Variants in ERBB4 observed in about 807,000 individuals in gnomAD.
ERBB4 encodes the protein erb-b2 receptor tyrosine kinase 4.
ERBB4 carries 42 observed loss-of-function variants against 158.0 expected under a neutral mutation model. That is an observed-to-expected ratio of 0.27 (90% CI 0.21 to 0.34). The LOEUF is 0.34. ERBB4 is among the 10% of genes least tolerant of loss of function. ERBB4 has a pLI of 1.00. For missense variants in ERBB4, 1,333 were observed against 1,624.1 expected (o/e 0.82, Z 3.08); for synonymous variants, 583 against 558.7 (o/e 1.04, Z -0.61).
At chr2:211,393,935 C>G (rs2062858087) in intron 25 of ERBB4, among the ~76,000 whole-genome samples, 1 of 152,066 alleles carries the variant, frequency 6.6e-6, no homozygotes, top group African/African-American at 2.4e-5. Context: ...CATGACAGCA[C>G]TCTTGCTTAT....
intron 13 of ERBB4, 61 bp downstream of exon 13, chr2:211,678,991 A>G: frequency 8.2e-7 from 1 of 1,220,328 alleles, no homozygotes; most frequent in Non-Finnish European, 1.1e-6. Flanking sequence ...AAAAAAAAAA[A>G]TCAGAACTAA....
At chr2:212,192,055 G>GTTATATA (rs1559707931) in intron 1 of ERBB4, among the ~76,000 whole-genome samples, 94 of 100,742 alleles carry the variant, frequency 9.3e-4, no homozygotes, top group African/African-American at 3.4e-3. Flanking sequence ...TATGTTATAT[G>GTTATATA]TTATATATGT....
chr2:212,285,042 T>A (rs554054908), intron 1 of ERBB4, among the ~76,000 whole-genome samples: 5 of 152,104 alleles, frequency 3.3e-5, no homozygotes, highest in Non-Finnish European at 5.9e-5. Context: ...TCAAAACGAA[T>A]AAAAACAAGA....
chr2:211,523,060 A>G (rs943003087), intron 20 of ERBB4, among the ~76,000 whole-genome samples: 2 of 150,686 alleles, frequency 1.3e-5, no homozygotes, highest in Non-Finnish European at 2.9e-5. Flanking sequence ...GCAAGAGGAT[A>G]GGAAATAACA....
chr2:212,111,349 T>C (rs1441593328), intron 2 of ERBB4, among the ~76,000 whole-genome samples: 2 of 152,214 alleles, frequency 1.3e-5, no homozygotes, highest in East Asian at 1.9e-4. Context: ...GCCATACCCA[T>C]ACAAGTAAAT....
intron 3 of ERBB4, among the ~76,000 whole-genome samples, chr2:211,814,174 A>G (rs1014981215): frequency 1.3e-5 from 2 of 152,184 alleles, no homozygotes; most frequent in Non-Finnish European, 2.9e-5. Flanking sequence ...ATATATATTC[A>G]TAACGCATAG....
intron 1 of ERBB4, among the ~76,000 whole-genome samples, chr2:212,322,346 A>G (rs987689334): frequency 1.3e-5 from 2 of 150,282 alleles, no homozygotes; most frequent in African/African-American, 4.9e-5. Flanking sequence ...TGCCTATGAC[A>G]ACAGGAAAGG....
At chr2:211,499,765 A>G (rs994714231) in intron 20 of ERBB4, among the ~76,000 whole-genome samples, 10 of 152,058 alleles carry the variant, frequency 6.6e-5, no homozygotes, top group Admixed American at 2.0e-4. Flanking sequence ...AGGTGAAGAT[A>G]CCCCCAAAAA....
At chr2:211,589,171 G>C (rs763146852) in intron 19 of ERBB4, among the ~76,000 whole-genome samples, 3 of 152,080 alleles carry the variant, frequency 2.0e-5, no homozygotes, top group Non-Finnish European at 4.4e-5. Context: ...TTTCCAGTTT[G>C]TCCAATCTTA....
chr2:211,863,606 C>A (rs1023581727), intron 3 of ERBB4, among the ~76,000 whole-genome samples: 2 of 152,172 alleles, frequency 1.3e-5, no homozygotes, highest in Non-Finnish European at 2.9e-5. Flanking sequence ...CTGTGAGGAT[C>A]TGCAGCTTCA....
At position 212,446,612 on chromosome 2, in the gene ERBB4, T is replaced by C. The variant is rs866252668; in HGVS notation, c.82+91837A>G. Among the ~76,000 whole-genome samples, 23 of 45,228 alleles carry C rather than the reference T, an allele frequency of 5.1e-4. 1 individual carries two copies. Among genetic ancestry groups the C allele is most frequent in the South Asian group, 8.4e-4 (1 of 1,186 alleles). 29.7% of individuals were successfully genotyped at this position (45,228 alleles called of 152,430 possible). On this transcript the variant is annotated intron_variant, in intron 1 of 27. Coordinates refer to ENST00000342788, the MANE Select transcript of ERBB4 (RefSeq NM_005235.3). ...ATATGTATATATATATATATATATATATATATATATATATATATATATATA... is the reference window on the plus strand; with the variant it reads ...ATATGTATATATATATATATATATACATATATATATATATATATATATATA...
rs980757583 is a variant in ERBB4 at position 211,590,772 on chromosome 2, G to A, written c.2301+28405C>T. 7.9e-5 allele frequency among the ~76,000 whole-genome samples: 12 copies of A among 152,090 alleles called. No homozygotes were observed. The South Asian group carries it at 1.7e-3, about 21-fold the overall frequency. ...TGCGATTCCCCTGTCTTGGGAAATC[G>A]GCTCTTTCTAGGCAGCAAGTAAGGC... On this transcript the variant is annotated intron_variant, in intron 19 of 27. Coordinates refer to ENST00000342788, the MANE Select transcript of ERBB4 (RefSeq NM_005235.3).
At chr2:211,973,843 A>G (rs770229354) in intron 2 of ERBB4, among the ~76,000 whole-genome samples, 15 of 152,172 alleles carry the variant, frequency 9.9e-5, no homozygotes, top group Non-Finnish European at 2.2e-4. Flanking sequence ...AATGCCCATC[A>G]ATAATAGACT....
intron 20 of ERBB4, among the ~76,000 whole-genome samples, chr2:211,533,300 G>C (rs2066552059): frequency 6.6e-6 from 1 of 151,936 alleles, no homozygotes; most frequent in South Asian, 2.1e-4. Context: ...TTGTGACCAT[G>C]TCTTCTGTAA....
At chr2:212,059,933 T>C (rs1233723259) in intron 2 of ERBB4, among the ~76,000 whole-genome samples, 1 of 152,094 alleles carries the variant, frequency 6.6e-6, no homozygotes, top group Non-Finnish European at 1.5e-5. Flanking sequence ...AAAGCCAAAA[T>C]TGACAAATGG....
At chr2:212,249,383 T>C (rs2084436102) in intron 1 of ERBB4, among the ~76,000 whole-genome samples, 1 of 134,886 alleles carries the variant, frequency 7.4e-6, no homozygotes. Context: ...GATAATTAAA[T>C]TTATATAGTA....
At chr2:212,432,784 G>A (rs913078872) in intron 1 of ERBB4, among the ~76,000 whole-genome samples, 16 of 152,082 alleles carry the variant, frequency 1.1e-4, no homozygotes, top group African/African-American at 3.9e-4. Flanking sequence ...AACGACTTCT[G>A]AGAGACAATC....
At chr2:212,516,471 T>C (rs1691849863) in intron 1 of ERBB4, among the ~76,000 whole-genome samples, 1 of 152,048 alleles carries the variant, frequency 6.6e-6, no homozygotes. Flanking sequence ...GGCAACCTAT[T>C]CTTAGGCAAA....
chr2:211,909,246 C>A (rs2079479066), intron 3 of ERBB4, among the ~76,000 whole-genome samples: 2 of 151,644 alleles, frequency 1.3e-5, no homozygotes, highest in African/African-American at 4.8e-5. Context: ...GGAAATAAAA[C>A]AATGTTGGTT....
Sources: allele counts gnomAD v4.1 joint callset (sites outside exome capture counted in the v4.1 genomes callset), GRCh38; gene constraint gnomAD v4.1.1; transcripts MANE v1.5; gene names NCBI Gene and HGNC (gene_info 2026-07-23, HGNC 2026-07-21).